AGPAT4: variants seen among roughly 807,000 people sequenced by gnomAD.
AGPAT4 encodes 1-acyl-sn-glycerol-3-phosphate acyltransferase delta.
A neutral mutation model predicts 48.0 loss-of-function variants in AGPAT4; 15 were observed. The ratio of observed to expected loss-of-function variants is 0.31; its 90% CI spans 0.21 to 0.48. The LOEUF is 0.48. AGPAT4 is among the 20% of genes least tolerant of loss of function. The probability of loss-of-function intolerance (pLI) is 0.99; values close to 1 mark genes in which losing one functional copy is unlikely to be tolerated. For missense variants in AGPAT4, 314 were observed against 482.5 expected, an observed-to-expected ratio of 0.65 and a Z score of 3.27; for synonymous variants, 178 against 198.7, an observed-to-expected ratio of 0.90 and a Z score of 0.88.
intron 5 of AGPAT4, among the ~76,000 whole-genome samples, chr6:161,151,000 C>T (rs1779576914): frequency 6.6e-6 from 1 of 152,192 alleles, no homozygotes; most frequent in Non-Finnish European, 1.5e-5. Flanking sequence ...CCCACGGGTT[C>T]CCCAAAGAGC....
rs535304718 is a variant in AGPAT4 at position 161,235,916 on chromosome 6, G to C, written c.-89-3614C>G. On this transcript the variant is annotated intron_variant, in intron 1 of 8. Coordinates refer to ENST00000320285, the MANE Select transcript of AGPAT4 (RefSeq NM_020133.3). This position sits in a 1 kb window ranked among gnomAD's most constrained non-coding sequence, Gnocchi z 6.2. ...AACGTGAGACTTGGGCAGGGACACAGATACAAACCATATCAGCTTCTTTCC... is the reference window on the plus strand; with the variant it reads ...AACGTGAGACTTGGGCAGGGACACACATACAAACCATATCAGCTTCTTTCC... 2.6e-5 allele frequency among the ~76,000 whole-genome samples: 4 copies of C among 152,292 alleles called. No individual in the cohort carries two copies. In the South Asian group the frequency reaches 8.3e-4, roughly 32 times the overall value.
At position 161,130,017 on chromosome 6, in the gene AGPAT4, CTG is replaced by C. The variant is rs1302634342; in HGVS notation, c.*6521_*6522del. The C allele has an allele frequency of 6.6e-6, 1 of 152,230 alleles. No individual in the cohort carries two copies. The highest frequency in any genetic ancestry group is 2.4e-5 in the African/African-American group (1 of 41,448). 9.4% of individuals were successfully genotyped at this position (152,230 alleles called of 1,614,324 possible). ...GTTTTATTACATCCAGTCCAGTAAG[CTG>C]TGCTGTCTAGTGGTATCCACACATA... On this transcript the variant is annotated 3_prime_UTR_variant, in exon 9 of 9. Transcript: ENST00000320285.
Position 161,133,678 on chromosome 6 carries a change from C to G in AGPAT4, c.*2862G>C, listed in dbSNP as rs960507036. Reference sequence around the variant, plus strand: ...TGCAGGAGTCGCCTAGGATATGGCCCGTCACGTCTGGGGATGACCCTGCAC... The same window carrying G: ...TGCAGGAGTCGCCTAGGATATGGCCGGTCACGTCTGGGGATGACCCTGCAC... On this transcript the variant is annotated 3_prime_UTR_variant, in exon 9 of 9. Coordinates refer to ENST00000320285, the MANE Select transcript of AGPAT4 (RefSeq NM_020133.3). 2.6e-5 allele frequency: 4 copies of G among 152,176 alleles called. No homozygotes were observed. The highest frequency in any genetic ancestry group is 5.9e-5 in the Non-Finnish European group (4 of 68,046). The allele number at this position is 152,176 out of a possible 1,614,324, so 9.4% of individuals were successfully genotyped here.
rs980215544 is a variant in AGPAT4, at chr6:161,229,382, C to T, written c.178+2654G>A. Among the ~76,000 whole-genome samples the T allele has an allele frequency of 4.6e-5, 7 of 152,138 alleles. No homozygotes were observed. The highest frequency in any genetic ancestry group is 1.3e-4 in the Admixed American group (2 of 15,278). The stretch of plus-strand genomic sequence containing the variant: ...AAGCAGAGGAGAGTTACAGCATAGA[C>T]GCTGCAGAGTCATCTGCTAGTTAAG... On this transcript the variant is annotated intron_variant, in intron 2 of 8. Transcript: ENST00000320285. The surrounding 1 kb of genome is among the most constrained non-coding windows in gnomAD (Gnocchi z 6.0).
Position 161,139,163 on chromosome 6 carries a change from A to G in AGPAT4, c.1042+259T>C, listed in dbSNP as rs1252455935. Among the ~76,000 whole-genome samples, 1 of 152,174 alleles carries G rather than the reference A, an allele frequency of 6.6e-6. No homozygotes were observed. Among genetic ancestry groups the G allele is most frequent in the African/African-American group, 2.4e-5 (1 of 41,444 alleles). On this transcript the variant is annotated intron_variant, in intron 8 of 8. Coordinates refer to ENST00000320285, the MANE Select transcript of AGPAT4 (RefSeq NM_020133.3). This position sits in a 1 kb window ranked among gnomAD's most constrained non-coding sequence, Gnocchi z 9.1. ...TGTCGGGGAGTGAAGTGGCAGCTGCATCACCACCCAACAGGGAACGTGTGG... is the reference window on the plus strand; with the variant it reads ...TGTCGGGGAGTGAAGTGGCAGCTGCGTCACCACCCAACAGGGAACGTGTGG...
At chr6:161,156,498 A>G (rs1197041290) in intron 3 of AGPAT4, among the ~76,000 whole-genome samples, 1 of 152,244 alleles carries the variant, frequency 6.6e-6, no homozygotes, top group Non-Finnish European at 1.5e-5. Flanking sequence ...CTTGTTTTCT[A>G]TGACTGTGTA....
In AGPAT4 at chr6:161,137,761, C is replaced by T. The variant is rs572617497; in HGVS notation, c.1043-1127G>A. ...GGAGACGCCGTGTCCACACTGCACC[C>T]CTCAGATGCTCCTGAAGACTCCCTG... On this transcript the variant is annotated intron_variant, in intron 8 of 8. Coordinates refer to ENST00000320285, the MANE Select transcript of AGPAT4 (RefSeq NM_020133.3). The surrounding 1 kb of genome is among the most constrained non-coding windows in gnomAD (Gnocchi z 6.1). Among the ~76,000 whole-genome samples the T allele has an allele frequency of 5.9e-5, 9 of 152,234 alleles. No individual in the cohort carries two copies. The highest frequency in any genetic ancestry group is 2.2e-4 in the African/African-American group (9 of 41,532).
In AGPAT4 at chr6:161,221,949, C is replaced by G. The variant is rs1781847309; in HGVS notation, c.178+10087G>C. Reference sequence around the variant, plus strand: ...CTCTATTTCCAAACAAGTTCACATTCACAAGCACTGGGCTTTCAACATCTT... The same window carrying G: ...CTCTATTTCCAAACAAGTTCACATTGACAAGCACTGGGCTTTCAACATCTT... On this transcript the variant is annotated intron_variant, in intron 2 of 8. Transcript: ENST00000320285. This position sits in a 1 kb window ranked among gnomAD's most constrained non-coding sequence, Gnocchi z 4.5. Among the ~76,000 whole-genome samples the G allele has an allele frequency of 6.6e-6, 1 of 152,242 alleles. No homozygotes were observed. The highest frequency in any genetic ancestry group is 2.4e-5 in the African/African-American group (1 of 41,456).
Position 161,245,109 on chromosome 6 carries a change from G to T in AGPAT4, c.-89-12807C>A, listed in dbSNP as rs936268780. On this transcript the variant is annotated intron_variant, in intron 1 of 8. Coordinates refer to ENST00000320285, the MANE Select transcript of AGPAT4 (RefSeq NM_020133.3). This position sits in a 1 kb window ranked among gnomAD's most constrained non-coding sequence, Gnocchi z 5.2. Reference sequence around the variant, plus strand: ...CCAACCAGGGTAGAAACCTCCTTGGGAATCGAGAAATTGCGACTCTATTCA... The same window carrying T: ...CCAACCAGGGTAGAAACCTCCTTGGTAATCGAGAAATTGCGACTCTATTCA... 5.9e-5 allele frequency among the ~76,000 whole-genome samples: 9 copies of T among 152,354 alleles called. No individual in the cohort carries two copies. Among genetic ancestry groups the T allele is most frequent in the African/African-American group, 2.2e-4 (9 of 41,584 alleles).
At chr6:161,153,204 A>T in intron 5 of AGPAT4, 142 bp downstream of exon 5, 1 of 1,195,768 alleles carries the variant, frequency 8.4e-7, no homozygotes, top group Non-Finnish European at 1.2e-6. Context: ...AGTCACAGAG[A>T]CTGGACTTGA....
At chr6:161,252,135 G>A (rs766902344) in intron 1 of AGPAT4, among the ~76,000 whole-genome samples, 11 of 152,158 alleles carry the variant, frequency 7.2e-5, no homozygotes, top group East Asian at 1.9e-4. Flanking sequence ...AGGGTGTAAC[G>A]AGGCCTCTAG....
chr6:161,149,344 T>TGGAGTCTCAC lies in AGPAT4; in HGVS notation c.665-56_665-55insGTGAGACTCC. 4 of 1,498,364 alleles carry TGGAGTCTCAC rather than the reference T, an allele frequency of 2.7e-6. No individual in the cohort carries two copies. The highest frequency in any genetic ancestry group is 3.6e-6 in the Non-Finnish European group (4 of 1,114,340). The allele number at this position is 1,498,364 out of a possible 1,614,324, so 92.8% of individuals were successfully genotyped here. A position where few individuals can be genotyped will look rare whatever the true frequency, so the allele number is the denominator to read the frequency against. ...TATATAGCGTGTGAACCCAATTTTG[T>TGGAGTCTCAC]TCTGTAGATACACACATTGGAAGAC... On this transcript the variant is annotated intron_variant, in intron 5 of 8. Coordinates refer to ENST00000320285, the MANE Select transcript of AGPAT4 (RefSeq NM_020133.3). This position sits in a 1 kb window ranked among gnomAD's most constrained non-coding sequence, Gnocchi z 6.5.
Position 161,219,183 on chromosome 6 carries a change from A to G in AGPAT4, c.178+12853T>C, listed in dbSNP as rs371778935. Among the ~76,000 whole-genome samples, 2 of 152,132 alleles carry G rather than the reference A, an allele frequency of 1.3e-5. No homozygotes were observed. The highest frequency in any genetic ancestry group is 4.1e-4 in the South Asian group (2 of 4,828). Reference sequence around the variant, plus strand: ...ACTTTAAGTGTGCTATATAAATTCTATCTCCAGTATGGTGAAACCAAAACC... The same window carrying G: ...ACTTTAAGTGTGCTATATAAATTCTGTCTCCAGTATGGTGAAACCAAAACC... On this transcript the variant is annotated intron_variant, in intron 2 of 8. Transcript: ENST00000320285. The surrounding 1 kb of genome is among the most constrained non-coding windows in gnomAD (Gnocchi z 4.9).
At chr6:161,181,515 G>A (rs1427916249) in intron 2 of AGPAT4, among the ~76,000 whole-genome samples, 2 of 150,468 alleles carry the variant, frequency 1.3e-5, no homozygotes, top group Non-Finnish European at 3.0e-5. Context: ...GGGGGCGGGG[G>A]GCGCTTCCTA....
intron 2 of AGPAT4, among the ~76,000 whole-genome samples, chr6:161,209,109 A>G (rs1470018936): frequency 6.6e-6 from 1 of 152,234 alleles, no homozygotes; most frequent in African/African-American, 2.4e-5. Context: ...GTGGGCAGAC[A>G]TCACTTTGGT....
Position 161,242,321 on chromosome 6 carries a change from T to C in AGPAT4, c.-89-10019A>G, listed in dbSNP as rs148854132. Among the ~76,000 whole-genome samples the C allele has an allele frequency of 2.6e-5, 4 of 152,222 alleles. No homozygotes were observed. The highest frequency in any genetic ancestry group is 9.6e-5 in the African/African-American group (4 of 41,460). On this transcript the variant is annotated intron_variant, in intron 1 of 8. Coordinates refer to ENST00000320285, the MANE Select transcript of AGPAT4 (RefSeq NM_020133.3). This position sits in a 1 kb window ranked among gnomAD's most constrained non-coding sequence, Gnocchi z 5.0. ...CTATAAGACAAGAAGCCCAACATGA[T>C]AGACTTCATGAACTTCAGCCTTCCG...
chr6:161,251,010 A>G lies in AGPAT4; in HGVS notation c.-89-18708T>C, dbSNP rs993039418. Among the ~76,000 whole-genome samples, 2 of 152,084 alleles carry G rather than the reference A, an allele frequency of 1.3e-5. No individual in the cohort carries two copies. The highest frequency in any genetic ancestry group is 2.9e-5 in the Non-Finnish European group (2 of 67,998). ...TCCATTTAGAGTGACCAACTTTTTC[A>G]GTTTGTTTATTTTTATTCTTAGCTT... On this transcript the variant is annotated intron_variant, in intron 1 of 8. Coordinates refer to ENST00000320285, the MANE Select transcript of AGPAT4 (RefSeq NM_020133.3). This position sits in a 1 kb window ranked among gnomAD's most constrained non-coding sequence, Gnocchi z 4.6.
chr6:161,269,561 C>A (rs1783365043), intron 1 of AGPAT4, among the ~76,000 whole-genome samples: 1 of 152,086 alleles, frequency 6.6e-6, no homozygotes. Flanking sequence ...CAGGAGGATG[C>A]TTGAGCTTAG....
At chr6:161,205,972 GAGA>G (rs972497526) in intron 2 of AGPAT4, among the ~76,000 whole-genome samples, 1 of 152,102 alleles carries the variant, frequency 6.6e-6, no homozygotes, top group Admixed American at 6.5e-5. Flanking sequence ...GAAAGGTGGA[GAGA>G]AGAAGGCAGA....
Sources: gnomAD v4.1 joint callset for allele counts (sites outside exome capture counted in the v4.1 genomes callset) on GRCh38, gnomAD v4.1.1 for gene constraint, Gnocchi (gnomAD v3.1) non-coding constraint, MANE v1.5 for transcripts, NCBI Gene and HGNC (gene_info 2026-07-23, HGNC 2026-07-21) for gene names.